Variants in ZNF365 observed in about 807,000 individuals in gnomAD.
ZNF365 encodes zinc finger protein 365, also known as protein ZNF365.
Under a neutral mutation model 35.0 loss-of-function variants are expected in ZNF365, and 22 were observed. The ratio of observed to expected loss-of-function variants is 0.63; its 90% CI spans 0.45 to 0.90. ZNF365 has a LOEUF of 0.90. ZNF365 is among the 40% of genes least tolerant of loss of function. ZNF365 has a pLI of 0.00. For synonymous variants in ZNF365, 188 were observed against 196.2 expected, an observed-to-expected ratio of 0.96 and a Z score of 0.35; for missense variants, 448 against 500.3, an observed-to-expected ratio of 0.90 and a Z score of 1.00.
intron 3 of ZNF365, among the ~76,000 whole-genome samples, chr10:62,432,228 C>A (rs961496314): frequency 2.1e-4 from 32 of 152,154 alleles, no homozygotes; most frequent in Admixed American, 1.2e-3. Context: ...ATTAGCATTG[C>A]TGGGAGCTGA....
chr10:62,440,172 T>TTTTATTCATTTATTTA (rs1840473030), intron 3 of ZNF365, among the ~76,000 whole-genome samples: 2 of 150,628 alleles, frequency 1.3e-5, no homozygotes, highest in Admixed American at 6.6e-5. Flanking sequence ...GAATGCATAG[T>TTTTATTCATTTATTTA]TTTATTTATT....
chr10:62,413,573 A>G (rs893876597), intron 3 of ZNF365, among the ~76,000 whole-genome samples: 7 of 152,284 alleles, frequency 4.6e-5, no homozygotes, highest in African/African-American at 1.7e-4. Context: ...TGTCTGCCAG[A>G]GTGGTCAAAT....
intron 1 of ZNF365, among the ~76,000 whole-genome samples, chr10:62,374,839 C>T (rs189523298): frequency 2.0e-5 from 3 of 152,168 alleles, no homozygotes; most frequent in African/African-American, 7.2e-5. Context: ...TTCCCATTGC[C>T]CCCTTAGAAT....
chr10:62,460,500 G>GTC (rs58975053), intron 4 of ZNF365, among the ~76,000 whole-genome samples: 4 of 151,806 alleles, frequency 2.6e-5, no homozygotes, highest in African/African-American at 7.3e-5. Context: ...TGTCAGCGTG[G>GTC]TCTCTCTCTC....
In ZNF365 at chr10:62,400,377, C is replaced by T. The variant is rs1413978302; in HGVS notation, c.*588C>T. On this transcript the variant is annotated 3_prime_UTR_variant, in exon 5 of 5. Coordinates refer to ENST00000395254, the MANE Select transcript of ZNF365 (RefSeq NM_014951.3). ...GGACTCGTTCAGTCAGACTTCAGTT[C>T]TCATTCCGACAGGGTGTCTTTCAGT... The T allele has an allele frequency of 1.0e-6, 1 of 986,080 alleles. No homozygotes were observed. The highest frequency in any genetic ancestry group is 1.1e-4 in the East Asian group (1 of 8,968). 61.1% of individuals were successfully genotyped at this position (986,080 alleles called of 1,614,324 possible). A position where few individuals can be genotyped will look rare whatever the true frequency, so the allele number is the denominator to read the frequency against.
downstream of ZNF365, among the ~76,000 whole-genome samples, chr10:62,405,349 A>G (rs1839889584): frequency 6.6e-6 from 1 of 152,172 alleles, no homozygotes; most frequent in South Asian, 2.1e-4. Context: ...AGAAGGTGAC[A>G]TCATCACATT....
intron 3 of ZNF365, among the ~76,000 whole-genome samples, chr10:62,392,912 G>C (rs1375209687): frequency 6.6e-6 from 1 of 152,224 alleles, no homozygotes; most frequent in Non-Finnish European, 1.5e-5. Context: ...GATTACAGGC[G>C]TGAGCCACCG....
chr10:62,389,020 T>A (rs1839577065), intron 3 of ZNF365, among the ~76,000 whole-genome samples: 1 of 152,156 alleles, frequency 6.6e-6, no homozygotes, highest in African/African-American at 2.4e-5. Context: ...GGGCAAGCAC[T>A]GTTCAACAGT....
intron 3 of ZNF365, among the ~76,000 whole-genome samples, chr10:62,438,750 C>T (rs189606674): frequency 2.0e-5 from 3 of 152,296 alleles, no homozygotes; most frequent in Admixed American, 1.3e-4. Flanking sequence ...TAGATTCTGG[C>T]AAAATCCTCA....
chr10:62,463,916 G>A (rs1840888943), intron 4 of ZNF365, among the ~76,000 whole-genome samples: 1 of 152,178 alleles, frequency 6.6e-6, no homozygotes, highest in African/African-American at 2.4e-5. Context: ...ACGGATGAGA[G>A]ACTCAAACTG....
chr10:62,421,955 A>G (rs943587729), intron 3 of ZNF365, among the ~76,000 whole-genome samples: 1 of 152,254 alleles, frequency 6.6e-6, no homozygotes, highest in Admixed American at 6.5e-5. Flanking sequence ...TAGCAAAAAA[A>G]TATCAGAAGC....
rs1839560913 is a variant in ZNF365, at chr10:62,388,448, C to G, written c.796C>G (p.Gln266Glu). 6.2e-7 allele frequency: 1 copy of G among 1,614,102 alleles called. No individual in the cohort carries two copies. The highest frequency in any genetic ancestry group is 8.5e-7 in the Non-Finnish European group (1 of 1,180,054). The change falls in exon 3 of 5, where the codon CAA becomes GAA. Residue 266 changes from glutamine to glutamate, a missense_variant. Transcript: ENST00000395254. ...GGAAGCGGCAGCTGAGAAGGAGGTT[C>G]AAGGGAAAGCCCGGCTCCAGGACTT... is the stretch of plus-strand genomic sequence containing the variant. The part of the protein sequence containing the change: ...FLEAAAEKEV[Q>E]GKARLQDFIE...
rs375423617 is a variant in ZNF365, at chr10:62,461,433, G to T, written c.981+1636G>T. On this transcript the variant is annotated intron_variant, in intron 4 of 4. Coordinates refer to the ZNF365 transcript ENST00000395255. ...TGTCTGAACAGGGAAAGGCCTCTGA[G>T]CATAGTTATGACACAGATGGGGAAA... Among the ~76,000 whole-genome samples, 6 of 152,346 alleles carry T rather than the reference G, an allele frequency of 3.9e-5. No individual in the cohort carries two copies. The East Asian group carries it at 7.7e-4, about 20-fold the overall frequency.
At chr10:62,402,516 G>C, downstream of ZNF365, 1 of 941,936 alleles carries the variant, frequency 1.1e-6, no homozygotes, top group Non-Finnish European at 1.3e-6. Flanking sequence ...TCCACTAACA[G>C]GAAACAAAAT....
chr10:62,412,819 C>A (rs1411543628), intron 3 of ZNF365, among the ~76,000 whole-genome samples: 1 of 152,082 alleles, frequency 6.6e-6, no homozygotes, highest in Non-Finnish European at 1.5e-5. Flanking sequence ...TAGGAAGAAT[C>A]AATATCATGA....
intron 4 of ZNF365, among the ~76,000 whole-genome samples, chr10:62,468,297 ATATGTATG>A (rs1166811053): frequency 6.6e-6 from 1 of 152,200 alleles, no homozygotes; most frequent in Non-Finnish European, 1.5e-5. Flanking sequence ...GAGAACTTAT[ATATGTATG>A]TATGTATTAT....
intron 3 of ZNF365, among the ~76,000 whole-genome samples, chr10:62,390,999 T>G (rs1027094989): frequency 6.6e-6 from 1 of 152,208 alleles, no homozygotes; most frequent in South Asian, 2.1e-4. Flanking sequence ...TGAGTGAATG[T>G]GACATTACTG....
intron 4 of ZNF365, among the ~76,000 whole-genome samples, chr10:62,474,832 G>C (rs374592669): frequency 6.6e-6 from 1 of 152,192 alleles, no homozygotes; most frequent in African/African-American, 2.4e-5. Context: ...GTTCACAGTG[G>C]AGTAGCTCCA....
chr10:62,398,668 T>C, intron 3 of ZNF365, 72 bp from the exon 4 acceptor site: 1 of 1,427,612 alleles, frequency 7.0e-7, no homozygotes, highest in South Asian at 1.2e-5. Flanking sequence ...TTAGAAAGTA[T>C]AAGAAATATT....
Sources: allele counts gnomAD v4.1 joint callset (sites outside exome capture counted in the v4.1 genomes callset), GRCh38; gene constraint gnomAD v4.1.1; transcripts MANE v1.5; gene names NCBI Gene and HGNC (gene_info 2026-07-23, HGNC 2026-07-21).